TAFA1: variants seen among roughly 807,000 people sequenced by gnomAD.
TAFA1 encodes the protein chemokine-like protein TAFA-1.
Under a neutral mutation model 18.5 loss-of-function variants are expected in TAFA1, and 4 were observed. The observed-to-expected ratio is 0.22, with a 90% confidence interval of 0.11 to 0.49. TAFA1 has a LOEUF of 0.49. Ranked by LOEUF, TAFA1 falls within the 20% of genes least tolerant of loss-of-function variation. TAFA1 has a pLI of 0.98. For synonymous variants in TAFA1, 56 were observed against 55.2 expected, an observed-to-expected ratio of 1.01 and a Z score of -0.06; for missense variants, 147 against 169.0, an observed-to-expected ratio of 0.87 and a Z score of 0.72.
At chr3:68,233,752 A>G (rs749954542) in intron 2 of TAFA1, among the ~76,000 whole-genome samples, 3 of 152,202 alleles carry the variant, frequency 2.0e-5, no homozygotes, top group Non-Finnish European at 4.4e-5. Flanking sequence ...GAGTGCTTTT[A>G]TACTGGAACT....
chr3:68,154,825 A>C (rs1434769302), intron 2 of TAFA1, among the ~76,000 whole-genome samples: 1 of 152,076 alleles, frequency 6.6e-6, no homozygotes, highest in East Asian at 1.9e-4. Flanking sequence ...ACATTGTTTA[A>C]CTTCTATTTT....
intron 2 of TAFA1, among the ~76,000 whole-genome samples, chr3:68,131,527 T>G (rs926338514): frequency 6.6e-6 from 1 of 152,214 alleles, no homozygotes; most frequent in South Asian, 2.1e-4. Context: ...AAACTGCTAC[T>G]GTCCTTATTA....
intron 2 of TAFA1, among the ~76,000 whole-genome samples, chr3:68,338,851 A>G (rs1368020177): frequency 6.6e-6 from 1 of 152,188 alleles, no homozygotes; most frequent in Admixed American, 6.6e-5. Context: ...TGGGTTGGTG[A>G]GTTGTCTGGA....
At chr3:68,165,340 C>A (rs879317813) in intron 2 of TAFA1, among the ~76,000 whole-genome samples, 1 of 152,182 alleles carries the variant, frequency 6.6e-6, no homozygotes, top group Non-Finnish European at 1.5e-5. Flanking sequence ...CTGTCCCCTC[C>A]CAATTCTGTC....
intron 2 of TAFA1, among the ~76,000 whole-genome samples, chr3:68,112,374 T>A (rs2065272731): frequency 6.6e-6 from 1 of 152,198 alleles, no homozygotes; most frequent in Non-Finnish European, 1.5e-5. Flanking sequence ...ATGTGCCACA[T>A]TAATGGAATA....
intron 2 of TAFA1, among the ~76,000 whole-genome samples, chr3:68,168,286 T>C (rs1447800231): frequency 6.6e-6 from 1 of 152,222 alleles, no homozygotes; most frequent in Non-Finnish European, 1.5e-5. Flanking sequence ...TAAATGTGTC[T>C]CTATGAATTT....
At chr3:68,439,412 C>CATATATATATATAT (rs57059146) in intron 3 of TAFA1, among the ~76,000 whole-genome samples, 2,376 of 73,076 alleles carry the variant, frequency 0.033, 139 homozygotes, top group South Asian at 0.036. Context: ...TATATACATA[C>CATATATATATATAT]ATATATATAT....
intron 2 of TAFA1, among the ~76,000 whole-genome samples, chr3:68,296,430 C>A (rs1452896644): frequency 1.3e-5 from 2 of 152,124 alleles, no homozygotes; most frequent in Non-Finnish European, 2.9e-5. Context: ...CCTAAACATA[C>A]CCTTGGAATA....
chr3:68,302,566 T>A (rs1034860887), intron 2 of TAFA1, among the ~76,000 whole-genome samples: 2 of 152,108 alleles, frequency 1.3e-5, no homozygotes, highest in Non-Finnish European at 2.9e-5. Context: ...TAATTTTGAA[T>A]CTTTGTTCTC....
intron 2 of TAFA1, among the ~76,000 whole-genome samples, chr3:68,330,833 C>T (rs973686224): frequency 2.8e-4 from 43 of 152,270 alleles, no homozygotes; most frequent in African/African-American, 9.6e-4. Flanking sequence ...CTGGCTGTGA[C>T]ATTTTCTACT....
intron 2 of TAFA1, among the ~76,000 whole-genome samples, chr3:68,366,594 C>A (rs550751394): frequency 1.3e-5 from 2 of 152,260 alleles, no homozygotes; most frequent in Non-Finnish European, 2.9e-5. Context: ...ATTATCATAC[C>A]TTTCCTTACA....
chr3:68,088,212 C>G (rs922487417), intron 2 of TAFA1, among the ~76,000 whole-genome samples: 4 of 152,174 alleles, frequency 2.6e-5, no homozygotes, highest in Non-Finnish European at 5.9e-5. Flanking sequence ...CATCCATAGC[C>G]TATATTAATT....
intron 2 of TAFA1, among the ~76,000 whole-genome samples, chr3:68,064,192 G>A (rs564057498): frequency 2.0e-5 from 3 of 152,280 alleles, no homozygotes; most frequent in East Asian, 1.9e-4. Context: ...AAAGGAAGAC[G>A]GCCAACGTGG....
intron 3 of TAFA1, among the ~76,000 whole-genome samples, chr3:68,510,088 G>C (rs933723197): frequency 2.0e-5 from 3 of 151,822 alleles, no homozygotes; most frequent in South Asian, 2.1e-4. Context: ...GCTTCCTCTC[G>C]GGTTCAGGCA....
At chr3:68,143,070 G>A (rs2106905644) in intron 2 of TAFA1, among the ~76,000 whole-genome samples, 1 of 152,210 alleles carries the variant, frequency 6.6e-6, no homozygotes, top group Non-Finnish European at 1.5e-5. Flanking sequence ...TGGCCTTTAA[G>A]TTCAAGACAG....
At chr3:68,372,871 T>A (rs1024466868) in intron 2 of TAFA1, among the ~76,000 whole-genome samples, 1 of 152,286 alleles carries the variant, frequency 6.6e-6, no homozygotes. Context: ...GGAATCCTCA[T>A]ACAGGTTGTG....
chr3:68,023,098 T>G (rs1704733472), intron 2 of TAFA1, among the ~76,000 whole-genome samples: 1 of 151,792 alleles, frequency 6.6e-6, no homozygotes, highest in African/African-American at 2.4e-5. Context: ...TTCCAGATCC[T>G]ATGCTGTTAT....
intron 2 of TAFA1, among the ~76,000 whole-genome samples, chr3:68,303,018 G>A (rs899564170): frequency 1.3e-5 from 2 of 152,034 alleles, no homozygotes; most frequent in Admixed American, 6.6e-5. Flanking sequence ...TAGGATTGTT[G>A]TGATGACTAC....
intron 2 of TAFA1, among the ~76,000 whole-genome samples, chr3:68,078,826 A>C (rs1252071333): frequency 6.6e-6 from 1 of 152,322 alleles, no homozygotes; most frequent in East Asian, 1.9e-4. Flanking sequence ...CTGTCCTCAT[A>C]AAATGAGTTA....
Sources: allele counts gnomAD v4.1 joint callset (sites outside exome capture counted in the v4.1 genomes callset), GRCh38; gene constraint gnomAD v4.1.1; transcripts MANE v1.5; gene names NCBI Gene and HGNC (gene_info 2026-07-23, HGNC 2026-07-21).